HECTD2: variants seen among roughly 807,000 people sequenced by gnomAD.
The protein encoded by HECTD2 is probable E3 ubiquitin-protein ligase HECTD2.
A neutral mutation model predicts 103.2 loss-of-function variants in HECTD2; 35 were observed. That is an observed-to-expected ratio of 0.34 (90% CI 0.26 to 0.45). The LOEUF (loss-of-function observed/expected upper bound fraction) is 0.45. HECTD2 is among the 20% of genes least tolerant of loss of function. The pLI, the probability that HECTD2 is intolerant of heterozygous loss-of-function variation, is 1.00. For synonymous variants in HECTD2, 281 were observed against 329.9 expected (o/e 0.85, Z 1.61); for missense variants, 596 against 937.4 (o/e 0.64, Z 4.76).
intron 5 of HECTD2, among the ~76,000 whole-genome samples, chr10:91,475,867 T>C (rs1004584931): frequency 3.3e-5 from 5 of 152,174 alleles, no homozygotes; most frequent in African/African-American, 7.2e-5. Context: ...GATGGGACTT[T>C]CACTCTAGGG....
Position 91,500,286 on chromosome 10 carries a change from G to A in HECTD2, c.1951-216G>A, listed in dbSNP as rs55909420. Among the ~76,000 whole-genome samples, 557 of 152,184 alleles carry A rather than the reference G, an allele frequency of 3.7e-3. 1 individual carries two copies. The highest frequency in any genetic ancestry group is 0.013 in the African/African-American group (529 of 41,526). On this transcript the variant is annotated intron_variant, in intron 18 of 20. Coordinates refer to ENST00000298068, the MANE Select transcript of HECTD2 (RefSeq NM_182765.6). ...TAATTTGCTTGTTTTTCTGGCAAAC[G>A]GCTAATTACTATTTACAAGATCTAT...
At chr10:91,455,554 T>C (rs1589502228) in intron 2 of HECTD2, among the ~76,000 whole-genome samples, 2 of 152,194 alleles carry the variant, frequency 1.3e-5, no homozygotes, top group African/African-American at 4.8e-5. Context: ...TTTCTTTTGC[T>C]GTGCAGAAGC....
intron 5 of HECTD2, among the ~76,000 whole-genome samples, chr10:91,472,120 C>T (rs1410338487): frequency 2.6e-5 from 4 of 152,202 alleles, no homozygotes; most frequent in African/African-American, 9.6e-5. Flanking sequence ...GACACATAGA[C>T]CAATGGAACA....
chr10:91,507,075 C>G lies in HECTD2; in HGVS notation c.2211-5189C>G, dbSNP rs544240466. Reference sequence around the variant, plus strand: ...AAAGGCCTTTGACAAAATTCAACAACGCTTCATGCTAAAAACTCCCAATAA... The same window carrying G: ...AAAGGCCTTTGACAAAATTCAACAAGGCTTCATGCTAAAAACTCCCAATAA... On this transcript the variant is annotated intron_variant, in intron 20 of 20. Coordinates refer to ENST00000298068, the MANE Select transcript of HECTD2 (RefSeq NM_182765.6). Among the ~76,000 whole-genome samples, 1,188 of 152,184 alleles carry G rather than the reference C, an allele frequency of 7.8e-3. 6 individuals carry two copies. Among genetic ancestry groups the G allele is most frequent in the South Asian group, 0.023 (109 of 4,810 alleles).
intron 2 of HECTD2, among the ~76,000 whole-genome samples, chr10:91,453,801 A>C (rs1476933237): frequency 6.6e-6 from 1 of 152,182 alleles, no homozygotes; most frequent in Non-Finnish European, 1.5e-5. Context: ...TTTGCTTCAA[A>C]TATAACAGTA....
At chr10:91,413,469 G>C (rs1843002467) in intron 1 of HECTD2, among the ~76,000 whole-genome samples, 1 of 152,150 alleles carries the variant, frequency 6.6e-6, no homozygotes. Flanking sequence ...TAGATGCACA[G>C]TAGAATTAAC....
rs551721890 is a variant in HECTD2, at chr10:91,429,566, G to A, written c.268+4156G>A. Among the ~76,000 whole-genome samples the A allele has an allele frequency of 5.7e-3, 867 of 152,228 alleles. 4 individuals are homozygous for A. The highest frequency in any genetic ancestry group is 0.02 in the African/African-American group (832 of 41,538). On this transcript the variant is annotated intron_variant, in intron 2 of 20. Coordinates refer to ENST00000298068, the MANE Select transcript of HECTD2 (RefSeq NM_182765.6). ...TGCCACAATTTCAGATCCTGTTATT[G>A]GCCTATTCAGAGATTCAAATTCTTC...
At chr10:91,486,509 T>C (rs150088551) in intron 10 of HECTD2, 2 of 152,288 alleles carry the variant, frequency 1.3e-5, no homozygotes, top group African/African-American at 4.8e-5. Flanking sequence ...GTTTTAATCC[T>C]AGGATCCTGT....
At chr10:91,485,391 C>T (rs1282855263) in intron 10 of HECTD2, 88 bp downstream of exon 10, 12 of 880,462 alleles carry the variant, frequency 1.4e-5, no homozygotes. Context: ...GAAGTTTACA[C>T]ATACGTTTAC....
chr10:91,486,652 A>AG (rs1361491128), intron 10 of HECTD2: 3 of 152,192 alleles, frequency 2.0e-5, no homozygotes, highest in Non-Finnish European at 2.9e-5. Flanking sequence ...GTGCATAACA[A>AG]GGGAAAGGTT....
At chr10:91,485,426 G>C in intron 10 of HECTD2, 123 bp downstream of exon 10, 1 of 644,630 alleles carries the variant, frequency 1.6e-6, no homozygotes, top group African/African-American at 1.9e-5. Flanking sequence ...ATATAGTTCA[G>C]ATAGCCTTGA....
At chr10:91,498,226 T>C (rs781091935) in intron 16 of HECTD2, 44 bp downstream of exon 16, 1 of 1,301,886 alleles carries the variant, frequency 7.7e-7, no homozygotes, top group Non-Finnish European at 1.1e-6. Flanking sequence ...ATATATTTCA[T>C]ATATGAACAG....
chr10:91,503,388 G>A (rs1290129300), intron 20 of HECTD2, among the ~76,000 whole-genome samples: 1 of 152,180 alleles, frequency 6.6e-6, no homozygotes, highest in African/African-American at 2.4e-5. Flanking sequence ...ACTAGGGAGT[G>A]CCAGACAGTG....
rs776314345 is a variant in HECTD2 at position 91,493,544 on chromosome 10, G to C, written c.1521+36G>C. On this transcript the variant is annotated intron_variant, in intron 14 of 20. Transcript: ENST00000298068. ...AACTTTCCACTAGGAGGTGCTAATA[G>C]ATTAGAGATTTTTAAAGATTTTATC... The C allele has an allele frequency of 2.8e-6, 3 of 1,072,466 alleles. No homozygotes were observed. The South Asian group carries it at 4.7e-5, about 17-fold the overall frequency. The allele number at this position is 1,072,466 out of a possible 1,614,324, so 66.4% of individuals were successfully genotyped here. A position where few individuals can be genotyped will look rare whatever the true frequency, so the allele number is the denominator to read the frequency against.
At chr10:91,449,843 G>T (rs549843442) in intron 2 of HECTD2, among the ~76,000 whole-genome samples, 1 of 152,160 alleles carries the variant, frequency 6.6e-6, no homozygotes, top group East Asian at 1.9e-4. Flanking sequence ...CCTCTTCAAG[G>T]AGAACTACAA....
chr10:91,505,474 T>C (rs1237011318), intron 20 of HECTD2, among the ~76,000 whole-genome samples: 1 of 151,838 alleles, frequency 6.6e-6, no homozygotes, highest in African/African-American at 2.4e-5. Flanking sequence ...GTTGCAATCC[T>C]AGTCTCTGAT....
intron 5 of HECTD2, chr10:91,462,400 T>G (rs1454879012): frequency 8.3e-7 from 1 of 1,203,382 alleles, no homozygotes; most frequent in Non-Finnish European, 1.1e-6. Context: ...TCCAATCCTT[T>G]TTTAGAAAGA....
intron 5 of HECTD2, among the ~76,000 whole-genome samples, chr10:91,464,273 G>T (rs1227434304): frequency 6.6e-6 from 1 of 152,158 alleles, no homozygotes; most frequent in African/African-American, 2.4e-5. Context: ...ATCAGAGCTG[G>T]CCAAGGATTG....
chr10:91,454,707 T>A (rs1220857867), intron 2 of HECTD2, among the ~76,000 whole-genome samples: 3 of 152,092 alleles, frequency 2.0e-5, no homozygotes, highest in African/African-American at 7.2e-5. Flanking sequence ...CTCCTAATGC[T>A]ATCGCTCCCC....
Sources: gnomAD v4.1 joint callset for allele counts (sites outside exome capture counted in the v4.1 genomes callset) on GRCh38, gnomAD v4.1.1 for gene constraint, MANE v1.5 for transcripts, NCBI Gene and HGNC (gene_info 2026-07-23, HGNC 2026-07-21) for gene names.